Variants in JMJD1C observed in about 807,000 individuals in gnomAD.
JMJD1C encodes jumonji domain containing 1C, also known as jumonji domain-containing protein 1C.
In JMJD1C, 31 loss-of-function variants were observed where a neutral mutation model predicts 245.3. That is an observed-to-expected ratio of 0.13 (90% CI 0.09 to 0.17). JMJD1C has a LOEUF of 0.17. Ranked by LOEUF, JMJD1C falls within the 10% of genes least tolerant of loss-of-function variation. The probability of loss-of-function intolerance (pLI) is 1.00; values close to 1 mark genes in which losing one functional copy is unlikely to be tolerated. For missense variants in JMJD1C, 2,691 were observed against 3,000.2 expected (o/e 0.90, Z 2.41); for synonymous variants, 1,057 against 1,017.4 (o/e 1.04, Z -0.74).
intron 2 of JMJD1C, among the ~76,000 whole-genome samples, chr10:63,275,488 A>G (rs1445110286): frequency 4.6e-5 from 7 of 152,230 alleles, no homozygotes; most frequent in African/African-American, 1.7e-4. Context: ...GGAAAAATCA[A>G]TTCAACATAA....
At chr10:63,262,763 A>G (rs187612463) in intron 3 of JMJD1C, among the ~76,000 whole-genome samples, 3 of 152,280 alleles carry the variant, frequency 2.0e-5, no homozygotes, top group African/African-American at 7.2e-5. Flanking sequence ...ACAATTCACT[A>G]AACTGCGTTA....
At chr10:63,287,470 CAAAG>C (rs1275743165) in intron 2 of JMJD1C, among the ~76,000 whole-genome samples, 1 of 152,108 alleles carries the variant, frequency 6.6e-6, no homozygotes. Flanking sequence ...ACAAACAAAA[CAAAG>C]ACATTAGAAA....
At chr10:63,505,853 G>C (rs1954702833) in intron 1 of JMJD1C, among the ~76,000 whole-genome samples, 1 of 123,670 alleles carries the variant, frequency 8.1e-6, no homozygotes, top group South Asian at 2.5e-4. Flanking sequence ...CACATAACCT[G>C]AAACAGGCCT....
intron 2 of JMJD1C, among the ~76,000 whole-genome samples, chr10:63,265,974 C>G (rs1368797560): frequency 6.6e-6 from 1 of 151,946 alleles, no homozygotes; most frequent in Non-Finnish European, 1.5e-5. Context: ...TTTGGAGTGG[C>G]TTTTAAGGAG....
At chr10:63,507,453 G>C (rs1210489340) in intron 1 of JMJD1C, among the ~76,000 whole-genome samples, 1 of 151,916 alleles carries the variant, frequency 6.6e-6, no homozygotes, top group Non-Finnish European at 1.5e-5. Context: ...AGACCAGCCT[G>C]GCCAACATGG....
chr10:63,202,738 A>C (rs973139489), intron 10 of JMJD1C: 2 of 985,286 alleles, frequency 2.0e-6, no homozygotes, highest in African/African-American at 3.5e-5. Context: ...ACTTATGTAA[A>C]ATGTTTATTT....
chr10:63,414,381 T>C (rs935211685), intron 1 of JMJD1C, among the ~76,000 whole-genome samples: 3 of 152,118 alleles, frequency 2.0e-5, no homozygotes, highest in Admixed American at 2.0e-4. Context: ...AAAATGTATA[T>C]TTTAGTCTGT....
chr10:63,224,934 C>A (rs1206979776), intron 3 of JMJD1C, among the ~76,000 whole-genome samples: 2 of 151,660 alleles, frequency 1.3e-5, no homozygotes, highest in African/African-American at 2.4e-5. Flanking sequence ...TGGTGGTGGG[C>A]GCCTGTAATC....
At chr10:63,301,474 T>C (rs1860068274) in intron 2 of JMJD1C, among the ~76,000 whole-genome samples, 1 of 152,224 alleles carries the variant, frequency 6.6e-6, no homozygotes, top group South Asian at 2.1e-4. Context: ...ATGGTATGCA[T>C]ATTCAAGCAC....
At chr10:63,427,381 C>A (rs1950504252) in intron 1 of JMJD1C, 2 of 1,071,134 alleles carry the variant, frequency 1.9e-6, no homozygotes, top group Non-Finnish European at 2.8e-6. Context: ...GTACCCAAAT[C>A]CCTATAGCAA....
In JMJD1C at chr10:63,213,668, T is replaced by A. The variant is rs1847632833; in HGVS notation, c.2499A>T (p.Gln833His). The A allele has an allele frequency of 8.7e-6, 14 of 1,614,232 alleles. No homozygotes were observed. The highest frequency in any genetic ancestry group is 1.0e-5 in the Non-Finnish European group (12 of 1,180,030). ...LSHLALAHQQQQQLLQHQSPH... is the reference protein window; with the variant it reads ...LSHLALAHQQHQQLLQHQSPH... ...GTGACTGGTGCTGTAACAACTGTTGTTGTTGCTGGTGTGCTAGCGCTAAGT... is the reference window on the plus strand; with the variant it reads ...GTGACTGGTGCTGTAACAACTGTTGATGTTGCTGGTGTGCTAGCGCTAAGT... The change falls in exon 8 of 26, where the codon CAA becomes CAT. Residue 833 changes from glutamine to histidine, a missense_variant. This residue lies in a region of JMJD1C where 1,562 missense variants were observed against 1,490.7 expected (regional missense o/e 1.05). Coordinates refer to ENST00000399262, the MANE Select transcript of JMJD1C (RefSeq NM_032776.3).
At chr10:63,444,623 C>CTTT (rs200830089) in intron 1 of JMJD1C, among the ~76,000 whole-genome samples, 2 of 134,498 alleles carry the variant, frequency 1.5e-5, no homozygotes, top group African/African-American at 5.4e-5. Flanking sequence ...TACCTACTAT[C>CTTT]TTTTTTTTTT....
rs148264371 is a variant in JMJD1C, at chr10:63,392,642, C to T, written c.169-12160G>A. Among the ~76,000 whole-genome samples, 487 of 151,574 alleles carry T rather than the reference C, an allele frequency of 3.2e-3. 1 individual carries two copies. Among genetic ancestry groups the T allele is most frequent in the African/African-American group, 0.011 (470 of 41,310 alleles). ...GAAATCAAGACCATTCTGGCCAACA[C>T]GGTGAAACCCCATCTCTACTAAAAA... is the stretch of plus-strand genomic sequence containing the variant. On this transcript the variant is annotated intron_variant, in intron 1 of 25. Transcript: ENST00000399262.
intron 1 of JMJD1C, among the ~76,000 whole-genome samples, chr10:63,512,944 G>GATT: frequency 6.6e-6 from 1 of 152,212 alleles, no homozygotes; most frequent in South Asian, 2.1e-4. Flanking sequence ...CTCAAGCTCA[G>GATT]AGATTTTTAA....
Position 63,214,731 on chromosome 10 carries a change from A to G in JMJD1C, c.1436T>C (p.Leu479Pro). ...TVSDHNSNDL[L>P]PQECNMDKTH... is the part of the protein sequence containing the mutation. The stretch of plus-strand genomic sequence containing the variant: ...TTTATCCATATTGCATTCCTGAGGA[A>G]GTAAATCATTAGAATTATGATCAGA... Residue 479 changes from leucine to proline, a missense_variant, in exon 8 of 26, where the codon CTT (leucine) becomes CCT (proline). Physicochemically the swap from Leu to Pro is moderately conservative, Grantham distance 98. Coordinates refer to ENST00000399262, the MANE Select transcript of JMJD1C (RefSeq NM_032776.3). 6.2e-7 allele frequency: 1 copy of G among 1,613,990 alleles called. No individual in the cohort carries two copies. The highest frequency in any genetic ancestry group is 8.5e-7 in the Non-Finnish European group (1 of 1,179,928).
At chr10:63,393,997 A>C (rs1948278373) in intron 1 of JMJD1C, among the ~76,000 whole-genome samples, 1 of 152,168 alleles carries the variant, frequency 6.6e-6, no homozygotes, top group South Asian at 2.1e-4. Context: ...CAGTCTGGCC[A>C]ACATGGCAAA....
In JMJD1C at chr10:63,455,230, TAATA is replaced by T. The variant is rs750430011; in HGVS notation, c.168+10261_168+10264del. Among the ~76,000 whole-genome samples, 4 of 152,286 alleles carry T rather than the reference TAATA, an allele frequency of 2.6e-5. No individual in the cohort carries two copies. In the East Asian group the frequency reaches 5.8e-4, roughly 22 times the overall value. On this transcript the variant is annotated intron_variant, in intron 1 of 25. Transcript: ENST00000399262. ...TTCTGTGGTACCCAGTCAAAAAAGT[TAATA>T]AATTTTAGTACAGATTTTTGTCCTA...
chr10:63,450,556 C>A, intron 1 of JMJD1C, among the ~76,000 whole-genome samples: 1 of 152,028 alleles, frequency 6.6e-6, no homozygotes, highest in Admixed American at 6.6e-5. Flanking sequence ...AATACATTCA[C>A]ATAATGAAGG....
At chr10:63,345,234 C>A (rs1435033955) in intron 2 of JMJD1C, among the ~76,000 whole-genome samples, 1 of 152,084 alleles carries the variant, frequency 6.6e-6, no homozygotes, top group Non-Finnish European at 1.5e-5. Context: ...CGCCTGTAAT[C>A]CCAATACTTT....
Sources: allele counts gnomAD v4.1 joint callset (sites outside exome capture counted in the v4.1 genomes callset), GRCh38; gene constraint gnomAD v4.1.1; regional missense constraint gnomAD v4.1.1; transcripts MANE v1.5; gene names NCBI Gene and HGNC (gene_info 2026-07-23, HGNC 2026-07-21).